INPP5E: variants seen among roughly 807,000 people sequenced by gnomAD.
INPP5E encodes the protein inositol polyphosphate-5-phosphatase E.
A neutral mutation model predicts 50.5 loss-of-function variants in INPP5E; 34 were observed. The ratio of observed to expected loss-of-function variants is 0.67; its 90% CI spans 0.51 to 0.90. INPP5E has a LOEUF of 0.90. Ranked by LOEUF, INPP5E falls within the 40% of genes least tolerant of loss-of-function variation. The pLI, the probability that INPP5E is intolerant of heterozygous loss-of-function variation, is 0.00. For missense variants in INPP5E, 942 were observed against 905.5 expected (o/e 1.04, Z -0.52); for synonymous variants, 447 against 406.0 (o/e 1.10, Z -1.21).
intron 3 of INPP5E, 145 bp downstream of exon 3, chr9:136,433,892 T>G: frequency 1.4e-6 from 1 of 703,116 alleles, no homozygotes; most frequent in Non-Finnish European, 2.5e-6. Context: ...ACGAACCGGG[T>G]ATCAGCGCCC....
At chr9:136,433,301 C>T (rs370877972) in intron 3 of INPP5E, 22 bp from the exon 4 acceptor site, 38 of 1,563,318 alleles carry the variant, frequency 2.4e-5, no homozygotes, top group Non-Finnish European at 3.0e-5. Context: ...GAAGCACGGC[C>T]GGCTGGGGGA....
chr9:136,438,360 G>C, intron 1 of INPP5E: 1 of 592,048 alleles, frequency 1.7e-6, no homozygotes, highest in Non-Finnish European at 3.0e-6. Context: ...ATTGTATGCA[G>C]GATGCCATCC....
At chr9:136,431,207 G>GCCCCCCCCCCCCCCCCCCCCCC in intron 7 of INPP5E, 90 bp from the exon 8 acceptor site, 2 of 683,498 alleles carry the variant, frequency 2.9e-6, no homozygotes, top group South Asian at 1.5e-5. Flanking sequence ...CTCCCACCAC[G>GCCCCCCCCCCCCCCCCCCCCCC]CCCACCCTCC....
chr9:136,434,179 GC>G, intron 2 of INPP5E, 45 bp from the exon 3 acceptor site: 1 of 1,381,312 alleles, frequency 7.2e-7, no homozygotes, highest in Non-Finnish European at 1.0e-6. Flanking sequence ...CCCGAAACCT[GC>G]AGGCGCCTGT....
intron 3 of INPP5E, among the ~76,000 whole-genome samples, chr9:136,433,640 C>G (rs543870701): frequency 1.3e-5 from 2 of 152,212 alleles, no homozygotes; most frequent in Non-Finnish European, 2.9e-5. Flanking sequence ...CATGGGGGCC[C>G]GGGAGGCCTT....
rs1339446835 is a variant in INPP5E, at chr9:136,429,653, G to GT, written c.*21dup. On this transcript the variant is annotated 3_prime_UTR_variant, in exon 10 of 10. Coordinates refer to ENST00000371712, the MANE Select transcript of INPP5E (RefSeq NM_019892.6). ...AATACAATCACCCCACGTTGCAGCT[G>GT]TGAGTCCTCGTTCAGCAAACTTCAA... is the stretch of plus-strand genomic sequence containing the variant. 4.3e-6 allele frequency: 7 copies of GT among 1,613,424 alleles called. No individual in the cohort carries two copies. Among genetic ancestry groups the GT allele is most frequent in the Non-Finnish European group, 5.9e-6 (7 of 1,179,940 alleles).
At chr9:136,433,992 AC>A in intron 3 of INPP5E, 44 bp downstream of exon 3, 1 of 1,451,156 alleles carries the variant, frequency 6.9e-7, no homozygotes, top group Non-Finnish European at 9.5e-7. Context: ...TGCTTCAGAG[AC>A]GGCAGCCCCT....
At chr9:136,435,121 T>C (rs1835801877) in intron 1 of INPP5E, among the ~76,000 whole-genome samples, 1 of 152,008 alleles carries the variant, frequency 6.6e-6, no homozygotes. Context: ...GGTGACGGTT[T>C]GGGCTTTTTG....
intron 1 of INPP5E, chr9:136,436,763 C>T (rs901143965): frequency 6.6e-6 from 1 of 152,300 alleles, no homozygotes; most frequent in Admixed American, 6.5e-5. Flanking sequence ...GACTCACTGG[C>T]ACACAGACGC....
intron 2 of INPP5E, 132 bp downstream of exon 2, chr9:136,434,608 G>T: frequency 1.6e-6 from 2 of 1,244,218 alleles, no homozygotes; most frequent in Non-Finnish European, 2.3e-6. Flanking sequence ...ACTGCGGTTA[G>T]CAGTGGGGTG....
intron 3 of INPP5E, 114 bp downstream of exon 3, chr9:136,433,923 C>A (rs533741245): frequency 3.6e-6 from 3 of 833,282 alleles, no homozygotes; most frequent in Non-Finnish European, 5.9e-6. Context: ...CAGATGGCAG[C>A]CCCCGGGCAG....
intron 6 of INPP5E, 26 bp downstream of exon 6, chr9:136,432,452 AC>A: frequency 6.9e-7 from 1 of 1,444,024 alleles, no homozygotes. Context: ...CGGCGGCACC[AC>A]CCACACGCAG....
In INPP5E at chr9:136,432,550, T is replaced by C. The variant is rs1359606472; in HGVS notation, c.1316A>G (p.Tyr439Cys). The stretch of plus-strand genomic sequence containing the variant: ...GACCAGGGCTTGTACAGTCCTGGTG[T>C]AGTCCAGCAGCCGCTCCGCCACCTT... ...DGKVAERLLD[Y>C]TRTVQALVLP... The change falls in exon 6 of 10, where the codon TAC becomes TGC. Residue 439 changes from tyrosine to cysteine, a missense_variant. Tyr to Cys is a radical substitution (Grantham distance 194). Coordinates refer to ENST00000371712, the MANE Select transcript of INPP5E (RefSeq NM_019892.6). The C allele has an allele frequency of 6.4e-7, 1 of 1,550,686 alleles. No homozygotes were observed. The highest frequency in any genetic ancestry group is 1.2e-5 in the South Asian group (1 of 84,100).
rs768384414 is a variant in INPP5E at position 136,431,920 on chromosome 9, C to T, written c.1453G>A (p.Gly485Arg). 20 of 1,611,754 alleles carry T rather than the reference C, an allele frequency of 1.2e-5. No homozygotes were observed. Among genetic ancestry groups the T allele is most frequent in the Middle Eastern group, 3.3e-4 (2 of 6,084 alleles). The change falls in exon 7 of 10, where the codon GGG (glycine) becomes AGG (arginine). Residue 485 changes from glycine to arginine, a missense_variant. Coordinates refer to ENST00000371712, the MANE Select transcript of INPP5E (RefSeq NM_019892.6). ...AGGAGGGCGTCCACGACTGTGCGCC[C>T]GCCACTCAGGCGGAAGTTGAAGTCT... ...FGDFNFRLSG[G>R]RTVVDALLCQ...
chr9:136,434,008 AG>A (rs759406781), intron 3 of INPP5E, 28 bp downstream of exon 3: 1 of 1,544,754 alleles, frequency 6.5e-7, no homozygotes, highest in Non-Finnish European at 8.8e-7. Context: ...GCCCCTGGGC[AG>A]GCACTGCAGG....
intron 5 of INPP5E, 24 bp downstream of exon 5, chr9:136,432,932 C>T (rs374985283): frequency 1.7e-5 from 28 of 1,609,896 alleles, no homozygotes; most frequent in Middle Eastern, 1.7e-4. Flanking sequence ...ACAGCACCTG[C>T]GGTGCGGGCA....
Position 136,439,586 on chromosome 9 carries a change from C to G in INPP5E, c.-167G>C, listed in dbSNP as rs1220032738. ...GGGCGGGGGCGGCTGCCGCATGGCC[C>G]GGGCCCCGAGTCCCGCCAGCCCCTC... On this transcript the variant is annotated 5_prime_UTR_variant, in exon 1 of 10. Transcript: ENST00000371712. The G allele has an allele frequency of 2.3e-6, 1 of 432,676 alleles. No individual in the cohort carries two copies. The highest frequency in any genetic ancestry group is 1.0e-4 in the South Asian group (1 of 9,714). 26.8% of individuals were successfully genotyped at this position (432,676 alleles called of 1,614,324 possible).
chr9:136,432,565 T>C lies in INPP5E; in HGVS notation c.1301A>G (p.Glu434Gly). 6.5e-7 allele frequency: 1 copy of C among 1,549,592 alleles called. No homozygotes were observed. Among genetic ancestry groups the C allele is most frequent in the Non-Finnish European group, 8.7e-7 (1 of 1,146,278 alleles). ...HFTSGDGKVA[E>G]RLLDYTRTVQ... The stretch of plus-strand genomic sequence containing the variant: ...AGTCCTGGTGTAGTCCAGCAGCCGC[T>C]CCGCCACCTTCCCGTCACCTGCTGT... The change falls in exon 6 of 10, where the codon GAG (glutamate) becomes GGG (glycine). Residue 434 changes from glutamate to glycine, a missense_variant. By Grantham distance (98) the Glu-to-Gly change is moderately conservative. Transcript: ENST00000371712.
Position 136,439,244 on chromosome 9 carries a change from C to T in INPP5E, c.176G>A (p.Ser59Asn), listed in dbSNP as rs1295677174. ...ALACSTPATP[S>N]GEDPPARAAP... ...TGCTCGGGCTGGCGGGTCCTCGCCGCTGGGCGTGGCCGGAGTGCTGCAGGC... is the reference window on the plus strand; with the variant it reads ...TGCTCGGGCTGGCGGGTCCTCGCCGTTGGGCGTGGCCGGAGTGCTGCAGGC... The change falls in exon 1 of 10, where the codon AGC becomes AAC. Residue 59 changes from serine to asparagine, a missense_variant. Transcript: ENST00000371712. 19 of 1,519,380 alleles carry T rather than the reference C, an allele frequency of 1.3e-5. No individual in the cohort carries two copies. The highest frequency in any genetic ancestry group is 1.7e-5 in the Non-Finnish European group (19 of 1,139,186). The allele number at this position is 1,519,380 out of a possible 1,614,324, so 94.1% of individuals were successfully genotyped here.
Sources: allele counts gnomAD v4.1 joint callset (sites outside exome capture counted in the v4.1 genomes callset), GRCh38; gene constraint gnomAD v4.1.1; transcripts MANE v1.5; gene names NCBI Gene and HGNC (gene_info 2026-07-23, HGNC 2026-07-21).